The following PKNOX2 variants were observed in gnomAD, a reference collection of about 807,000 sequenced individuals.
PKNOX2 encodes the protein PBX/knotted 1 homeobox 2.
Under a neutral mutation model 53.1 loss-of-function variants are expected in PKNOX2, and 14 were observed. That is an observed-to-expected ratio of 0.26 (90% CI 0.17 to 0.41). The LOEUF is 0.41. PKNOX2 is among the 10% of genes least tolerant of loss of function. PKNOX2 has a pLI of 1.00. For synonymous variants in PKNOX2, 257 were observed against 242.8 expected (o/e 1.06, Z -0.54); for missense variants, 496 against 602.8 (o/e 0.82, Z 1.85).
chr11:125,178,609 G>GGAAGGAAAGAAAGAAA (rs1555108355), intron 1 of PKNOX2, among the ~76,000 whole-genome samples: 13 of 46,252 alleles, frequency 2.8e-4, no homozygotes, highest in Non-Finnish European at 3.8e-4. Flanking sequence ...AAGGAAGGAA[G>GGAAGGAAAGAAAGAAA]GAAAGAAAGA....
At chr11:125,360,196 G>T (rs184763896) in intron 4 of PKNOX2, among the ~76,000 whole-genome samples, 115 of 152,214 alleles carry the variant, frequency 7.6e-4, no homozygotes, top group African/African-American at 2.6e-3. Flanking sequence ...TGCTGAGAAG[G>T]TGAAGGCTTG....
At chr11:125,304,018 A>G (rs548873133) in intron 2 of PKNOX2, among the ~76,000 whole-genome samples, 8 of 152,224 alleles carry the variant, frequency 5.3e-5, no homozygotes, top group Non-Finnish European at 1.0e-4. Context: ...TTCTTTAGGA[A>G]TGCAGGGATG....
intron 1 of PKNOX2, among the ~76,000 whole-genome samples, chr11:125,213,813 G>C (rs1328953819): frequency 1.3e-5 from 2 of 152,062 alleles, no homozygotes; most frequent in Non-Finnish European, 2.9e-5. Flanking sequence ...GGCAATTCTG[G>C]CCACATGTGA....
Position 125,314,585 on chromosome 11 carries a change from G to C in PKNOX2, c.-129-17234G>C, listed in dbSNP as rs551245930. Among the ~76,000 whole-genome samples, 287 of 152,226 alleles carry C rather than the reference G, an allele frequency of 1.9e-3. 2 individuals are homozygous for C. The highest frequency in any genetic ancestry group is 6.6e-3 in the African/African-American group (275 of 41,548). On this transcript the variant is annotated intron_variant, in intron 2 of 12. Coordinates refer to ENST00000298282, the MANE Select transcript of PKNOX2 (RefSeq NM_001382323.2). Reference sequence around the variant, plus strand: ...CTGCAGTCAGTGGGGAGGGGACAAGGCTTCGTACTTCAGCTCCCCGAGAGC... The same window carrying C: ...CTGCAGTCAGTGGGGAGGGGACAAGCCTTCGTACTTCAGCTCCCCGAGAGC...
intron 2 of PKNOX2, among the ~76,000 whole-genome samples, chr11:125,272,551 C>T (rs1291823614): frequency 6.6e-6 from 1 of 152,194 alleles, no homozygotes; most frequent in African/African-American, 2.4e-5. Context: ...CCATTTCCTT[C>T]CGTGCCCTCT....
chr11:125,236,007 T>C (rs988596204), intron 2 of PKNOX2, among the ~76,000 whole-genome samples: 2 of 152,236 alleles, frequency 1.3e-5, no homozygotes, highest in East Asian at 1.9e-4. Flanking sequence ...GGCTGAGCTG[T>C]TGCTGCCGCG....
In PKNOX2 at chr11:125,357,456, A is replaced by G. The variant is rs112204822; in HGVS notation, c.87+6064A>G. Among the ~76,000 whole-genome samples, 1,206 of 152,264 alleles carry G rather than the reference A, an allele frequency of 7.9e-3. 14 individuals are homozygous for G. Among genetic ancestry groups the G allele is most frequent in the African/African-American group, 0.027 (1,119 of 41,542 alleles). On this transcript the variant is annotated intron_variant, in intron 4 of 12. Coordinates refer to ENST00000298282, the MANE Select transcript of PKNOX2 (RefSeq NM_001382323.2). ...AACTTACTATATTCTGATATTTACCAAAAACAGAGATTTTATTGTCTACTC... is the reference window on the plus strand; with the variant it reads ...AACTTACTATATTCTGATATTTACCGAAAACAGAGATTTTATTGTCTACTC...
intron 1 of PKNOX2, among the ~76,000 whole-genome samples, chr11:125,217,992 T>G (rs1164202483): frequency 6.6e-6 from 1 of 152,196 alleles, no homozygotes; most frequent in Non-Finnish European, 1.5e-5. Context: ...CATGAGCCCA[T>G]GCAGAGACAG....
intron 1 of PKNOX2, among the ~76,000 whole-genome samples, chr11:125,230,428 G>T (rs931884031): frequency 6.6e-6 from 1 of 152,190 alleles, no homozygotes; most frequent in Admixed American, 6.5e-5. Flanking sequence ...AGTGAGATAT[G>T]GTGGGAGCTG....
intron 1 of PKNOX2, among the ~76,000 whole-genome samples, chr11:125,176,041 C>T (rs1269594104): frequency 2.6e-5 from 4 of 152,192 alleles, no homozygotes; most frequent in African/African-American, 9.7e-5. Flanking sequence ...TGATTCAAAG[C>T]TGGCAGGGTG....
chr11:125,275,950 A>T (rs981731895), intron 2 of PKNOX2, among the ~76,000 whole-genome samples: 4 of 152,180 alleles, frequency 2.6e-5, no homozygotes, highest in African/African-American at 9.6e-5. Context: ...GAGAGAAAGG[A>T]TGCAGAAAGG....
At chr11:125,369,838 C>T (rs540629390) in intron 5 of PKNOX2, among the ~76,000 whole-genome samples, 11 of 152,230 alleles carry the variant, frequency 7.2e-5, no homozygotes, top group East Asian at 5.8e-4. Context: ...GAAAACTGCC[C>T]GACAGCCTGA....
intron 1 of PKNOX2, among the ~76,000 whole-genome samples, chr11:125,232,939 T>G (rs1372320683): frequency 6.6e-6 from 1 of 152,130 alleles, no homozygotes; most frequent in Non-Finnish European, 1.5e-5. Flanking sequence ...GGTATATATA[T>G]TCCTGTCAAA....
intron 6 of PKNOX2, among the ~76,000 whole-genome samples, chr11:125,396,022 C>T (rs536633227): frequency 3.0e-4 from 45 of 150,510 alleles, no homozygotes; most frequent in Admixed American, 2.1e-3. Context: ...GGCTCCATCT[C>T]GGCTCACTGT....
At chr11:125,235,166 T>C (rs1942562006) in intron 2 of PKNOX2, 51 bp downstream of exon 2, 1 of 151,650 alleles carries the variant, frequency 6.6e-6, no homozygotes, top group Admixed American at 6.6e-5. Context: ...AGGTTAGGGG[T>C]TAAAGACCAG....
intron 10 of PKNOX2, among the ~76,000 whole-genome samples, chr11:125,426,009 T>C (rs1956396130): frequency 6.6e-6 from 1 of 152,216 alleles, no homozygotes; most frequent in African/African-American, 2.4e-5. Flanking sequence ...CAGCCAGTTT[T>C]GGGTGGCATT....
At chr11:125,391,036 A>G (rs539027106) in intron 6 of PKNOX2, among the ~76,000 whole-genome samples, 1 of 152,340 alleles carries the variant, frequency 6.6e-6, no homozygotes, top group East Asian at 1.9e-4. Flanking sequence ...CCCACAGGAA[A>G]TATCATAGCA....
chr11:125,264,809 G>A (rs1945177052), intron 2 of PKNOX2, among the ~76,000 whole-genome samples: 1 of 152,106 alleles, frequency 6.6e-6, no homozygotes, highest in Non-Finnish European at 1.5e-5. Flanking sequence ...CTAGGGATGT[G>A]GGGGACTCGA....
At chr11:125,192,080 G>A (rs1565465822) in intron 1 of PKNOX2, among the ~76,000 whole-genome samples, 1 of 152,138 alleles carries the variant, frequency 6.6e-6, no homozygotes, top group Non-Finnish European at 1.5e-5. Context: ...GAAGAGATGT[G>A]AGGGGCAGGC....
Sources: gnomAD v4.1 joint callset for allele counts (sites outside exome capture counted in the v4.1 genomes callset) on GRCh38, gnomAD v4.1.1 for gene constraint, MANE v1.5 for transcripts, NCBI Gene and HGNC (gene_info 2026-07-23, HGNC 2026-07-21) for gene names.